TBC1D5: variants seen among roughly 807,000 people sequenced by gnomAD.
TBC1D5 encodes TBC1 domain family, member 5.
Under a neutral mutation model 100.3 loss-of-function variants are expected in TBC1D5, and 75 were observed. The observed-to-expected ratio is 0.75, with a 90% CI of 0.62 to 0.91. The LOEUF is 0.91. Among genes scored for constraint, TBC1D5 ranks in the 40% least tolerant of loss-of-function variants. The pLI is 0.00. For missense variants in TBC1D5, 910 were observed against 942.4 expected, an observed-to-expected ratio of 0.97 and a Z score of 0.45; for synonymous variants, 323 against 325.6, an observed-to-expected ratio of 0.99 and a Z score of 0.09.
intron 7 of TBC1D5, among the ~76,000 whole-genome samples, chr3:17,404,167 T>C (rs182087648): frequency 1.3e-5 from 2 of 152,174 alleles, no homozygotes; most frequent in East Asian, 1.9e-4. Flanking sequence ...TTTAGGTAAA[T>C]AGGCAAAAAT....
intron 13 of TBC1D5, among the ~76,000 whole-genome samples, chr3:17,337,123 GTTT>G (rs11328091): frequency 1.9e-4 from 22 of 116,122 alleles, no homozygotes; most frequent in Admixed American, 3.6e-4. Flanking sequence ...TATCTGAGAG[GTTT>G]TTTTTTTTTT....
intron 18 of TBC1D5, among the ~76,000 whole-genome samples, chr3:17,195,072 T>C (rs1390971929): frequency 6.6e-6 from 1 of 152,178 alleles, no homozygotes; most frequent in Non-Finnish European, 1.5e-5. Context: ...ATAACTGCAG[T>C]TTAAAATAAT....
chr3:17,727,842 A>C (rs1577844271), intron 1 of TBC1D5, among the ~76,000 whole-genome samples: 2 of 152,338 alleles, frequency 1.3e-5, no homozygotes, highest in South Asian at 4.1e-4. Context: ...GAACACATAA[A>C]TAGAACTGCA....
chr3:17,400,151 A>G (rs890914590), intron 8 of TBC1D5, among the ~76,000 whole-genome samples: 2 of 151,726 alleles, frequency 1.3e-5, no homozygotes, highest in African/African-American at 4.8e-5. Flanking sequence ...GTTATTCACC[A>G]CTCCACTCTG....
At chr3:17,170,455 G>C (rs545784907) in intron 19 of TBC1D5, among the ~76,000 whole-genome samples, 1 of 152,296 alleles carries the variant, frequency 6.6e-6, no homozygotes, top group Admixed American at 6.5e-5. Flanking sequence ...CACAAAGGGG[G>C]AATCTGCAGA....
intron 2 of TBC1D5, among the ~76,000 whole-genome samples, chr3:17,576,229 A>G (rs2096656225): frequency 6.6e-6 from 1 of 152,078 alleles, no homozygotes; most frequent in East Asian, 1.9e-4. Flanking sequence ...ATACACCTCA[A>G]TCTTAAAAAA....
intron 2 of TBC1D5, chr3:17,586,642 C>A (rs2153551057): frequency 2.0e-5 from 3 of 152,210 alleles, no homozygotes; most frequent in African/African-American, 7.2e-5. Context: ...CAAATCATAT[C>A]ATATCAAACA....
At chr3:17,454,840 A>T (rs187887219) in intron 3 of TBC1D5, among the ~76,000 whole-genome samples, 5 of 152,276 alleles carry the variant, frequency 3.3e-5, no homozygotes, top group Admixed American at 2.0e-4. Flanking sequence ...TACAATAGCC[A>T]CAAATAAAAT....
intron 8 of TBC1D5, among the ~76,000 whole-genome samples, chr3:17,390,791 C>A (rs1249184796): frequency 1.3e-5 from 2 of 152,100 alleles, no homozygotes; most frequent in Non-Finnish European, 2.9e-5. Context: ...AAGACCACAA[C>A]AAGGAACAAT....
intron 2 of TBC1D5, among the ~76,000 whole-genome samples, chr3:17,537,509 G>T (rs920867515): frequency 6.6e-6 from 1 of 152,160 alleles, no homozygotes; most frequent in African/African-American, 2.4e-5. Context: ...CTGTCAGTTG[G>T]GGGGCTCAGG....
chr3:17,345,458 T>C (rs2089719259), intron 13 of TBC1D5, among the ~76,000 whole-genome samples: 1 of 152,040 alleles, frequency 6.6e-6, no homozygotes, highest in Non-Finnish European at 1.5e-5. Context: ...AGGAACACTT[T>C]TACACTGTTG....
At chr3:17,718,618 T>A (rs2075436737) in intron 1 of TBC1D5, among the ~76,000 whole-genome samples, 2 of 151,854 alleles carry the variant, frequency 1.3e-5, no homozygotes, top group Admixed American at 1.3e-4. Flanking sequence ...ATAAAATAAT[T>A]TACCATTGTA....
chr3:17,672,246 T>C (rs911749100), intron 1 of TBC1D5, among the ~76,000 whole-genome samples: 5 of 152,186 alleles, frequency 3.3e-5, no homozygotes, highest in African/African-American at 9.7e-5. Context: ...AATGATAATA[T>C]AAATTTGAAC....
intron 16 of TBC1D5, among the ~76,000 whole-genome samples, chr3:17,245,579 G>A (rs181682226): frequency 1.1e-3 from 168 of 152,274 alleles, no homozygotes; most frequent in Non-Finnish European, 1.9e-3. Flanking sequence ...TAAAAAGGTT[G>A]GCACTGGTGA....
intron 13 of TBC1D5, among the ~76,000 whole-genome samples, chr3:17,321,801 A>G (rs747365595): frequency 3.9e-5 from 6 of 152,182 alleles, no homozygotes; most frequent in Non-Finnish European, 7.4e-5. Flanking sequence ...GAACTATACT[A>G]TTTCTACTGT....
intron 2 of TBC1D5, among the ~76,000 whole-genome samples, chr3:17,620,410 G>A (rs779814506): frequency 2.0e-5 from 3 of 152,226 alleles, no homozygotes; most frequent in Non-Finnish European, 4.4e-5. Flanking sequence ...ACTTAAATGC[G>A]CAAGCATAAG....
chr3:17,349,729 G>T (rs2090327037), intron 13 of TBC1D5, among the ~76,000 whole-genome samples: 1 of 152,178 alleles, frequency 6.6e-6, no homozygotes, highest in Non-Finnish European at 1.5e-5. Flanking sequence ...AATGTCTTCA[G>T]CTGCAGAAGA....
At chr3:17,204,893 A>G (rs80240431) in intron 18 of TBC1D5, among the ~76,000 whole-genome samples, 5,242 of 152,268 alleles carry the variant, frequency 0.034, 300 homozygotes, top group African/African-American at 0.12. Flanking sequence ...ATAGAGTTAC[A>G]TGATTTGGGT....
chr3:17,654,535 T>A (rs2065878895), intron 1 of TBC1D5, among the ~76,000 whole-genome samples: 1 of 152,192 alleles, frequency 6.6e-6, no homozygotes. Flanking sequence ...GGATAAGCTT[T>A]TTGATGTGCT....
Sources: gnomAD v4.1 joint callset for allele counts (sites outside exome capture counted in the v4.1 genomes callset) on GRCh38, gnomAD v4.1.1 for gene constraint, MANE v1.5 for transcripts, NCBI Gene and HGNC (gene_info 2026-07-23, HGNC 2026-07-21) for gene names.